The following NCAM2 variants were observed in gnomAD, a reference collection of about 807,000 sequenced individuals.
NCAM2 encodes the protein N-CAM-2.
In NCAM2, 30 loss-of-function variants were observed where a neutral mutation model predicts 98.1. That is an observed-to-expected ratio of 0.31 (90% confidence interval 0.23 to 0.41). The LOEUF (loss-of-function observed/expected upper bound fraction) is 0.41, where lower values mean the gene tolerates loss of function less well. Among genes scored for constraint, NCAM2 ranks in the 10% least tolerant of loss-of-function variants. NCAM2 has a pLI of 1.00. For synonymous variants in NCAM2, 368 were observed against 342.4 expected, an observed-to-expected ratio of 1.07 and a Z score of -0.83; for missense variants, 867 against 1,005.8, an observed-to-expected ratio of 0.86 and a Z score of 1.87.
At chr21:21,398,105 A>G (rs2076553082) in intron 9 of NCAM2, among the ~76,000 whole-genome samples, 2 of 152,232 alleles carry the variant, frequency 1.3e-5, no homozygotes, top group Admixed American at 1.3e-4. Context: ...AAATAATGGC[A>G]TTTGTAGCAG....
At chr21:21,355,912 A>G (rs1010682586) in intron 8 of NCAM2, among the ~76,000 whole-genome samples, 1 of 152,064 alleles carries the variant, frequency 6.6e-6, no homozygotes, top group East Asian at 1.9e-4. Flanking sequence ...CCCGGCCTTA[A>G]TTTTAATTCA....
intron 12 of NCAM2, among the ~76,000 whole-genome samples, chr21:21,464,000 C>G (rs79450849): frequency 0.031 from 4,762 of 151,912 alleles, 261 homozygotes; most frequent in African/African-American, 0.11. Context: ...ATGAAGAAAT[C>G]ATATCTAGAA....
intron 1 of NCAM2, among the ~76,000 whole-genome samples, chr21:21,048,759 G>A (rs1023893678): frequency 3.3e-5 from 5 of 152,062 alleles, no homozygotes; most frequent in African/African-American, 1.2e-4. Context: ...ACTTCCTGAG[G>A]GCTGTGTCAC....
intron 8 of NCAM2, among the ~76,000 whole-genome samples, chr21:21,360,782 C>T (rs2075625184): frequency 6.6e-6 from 1 of 151,800 alleles, no homozygotes; most frequent in Non-Finnish European, 1.5e-5. Context: ...CTGAATATAG[C>T]TGAAGAAAAT....
At chr21:21,429,485 A>T (rs1017758293) in intron 11 of NCAM2, among the ~76,000 whole-genome samples, 23 of 152,296 alleles carry the variant, frequency 1.5e-4, no homozygotes, top group Admixed American at 5.2e-4. Context: ...CTTAGACCTA[A>T]TGTACATTAG....
At chr21:21,055,222 A>G (rs1291445423) in intron 1 of NCAM2, among the ~76,000 whole-genome samples, 1 of 152,042 alleles carries the variant, frequency 6.6e-6, no homozygotes, top group African/African-American at 2.4e-5. Flanking sequence ...AATAAAACCA[A>G]GAAGCCACAT....
intron 5 of NCAM2, among the ~76,000 whole-genome samples, chr21:21,309,867 A>G (rs918511694): frequency 2.6e-5 from 4 of 152,080 alleles, no homozygotes; most frequent in African/African-American, 9.7e-5. Context: ...AGGAATTTCT[A>G]TTGAATGATT....
intron 5 of NCAM2, among the ~76,000 whole-genome samples, chr21:21,316,934 CAAA>C (rs902974075): frequency 3.9e-5 from 6 of 152,268 alleles, no homozygotes; most frequent in Middle Eastern, 3.4e-3. Context: ...GTGCCAAATT[CAAA>C]AATTTACACA....
At chr21:21,159,767 C>T (rs1174158936) in intron 1 of NCAM2, among the ~76,000 whole-genome samples, 2 of 151,814 alleles carry the variant, frequency 1.3e-5, no homozygotes, top group African/African-American at 4.8e-5. Flanking sequence ...CCCTCTCTCT[C>T]TGTATATATA....
intron 4 of NCAM2, 147 bp downstream of exon 4, chr21:21,286,559 A>G: frequency 1.1e-6 from 1 of 874,160 alleles, no homozygotes; most frequent in Non-Finnish European, 1.7e-6. Flanking sequence ...GCTCTACATT[A>G]GGATTTTGCA....
chr21:21,501,264 G>A (rs559795093), intron 15 of NCAM2, among the ~76,000 whole-genome samples: 4 of 152,010 alleles, frequency 2.6e-5, no homozygotes, highest in East Asian at 1.9e-4. Context: ...AATGTTAATT[G>A]GTTTTTAAAT....
intron 1 of NCAM2, among the ~76,000 whole-genome samples, chr21:21,201,457 G>A (rs2069217048): frequency 6.6e-6 from 1 of 152,142 alleles, no homozygotes; most frequent in Admixed American, 6.5e-5. Context: ...ATCTGAATAT[G>A]ACTTCATAAC....
intron 1 of NCAM2, among the ~76,000 whole-genome samples, chr21:21,000,731 G>A (rs1194495704): frequency 6.6e-6 from 1 of 152,062 alleles, no homozygotes; most frequent in African/African-American, 2.4e-5. Flanking sequence ...CGTAGCTTTT[G>A]TGAAAGGGAA....
At chr21:21,415,819 A>G (rs77032243) in intron 10 of NCAM2, among the ~76,000 whole-genome samples, 6,143 of 152,260 alleles carry the variant, frequency 0.04, 392 homozygotes, top group African/African-American at 0.14. Flanking sequence ...GAGGCATGTT[A>G]GATCTTTGCT....
chr21:21,115,000 T>A (rs1459452006), intron 1 of NCAM2, among the ~76,000 whole-genome samples: 2 of 152,160 alleles, frequency 1.3e-5, no homozygotes, highest in East Asian at 3.9e-4. Context: ...TTTGTATTTT[T>A]AGTAGAGACG....
At chr21:21,181,746 G>A (rs2068478974) in intron 1 of NCAM2, among the ~76,000 whole-genome samples, 1 of 151,968 alleles carries the variant, frequency 6.6e-6, no homozygotes, top group South Asian at 2.1e-4. Flanking sequence ...CGTTCCTTTA[G>A]TCCTTCAATG....
chr21:21,362,384 A>C (rs1434768264), intron 8 of NCAM2, among the ~76,000 whole-genome samples: 6 of 144,988 alleles, frequency 4.1e-5, no homozygotes, highest in African/African-American at 1.5e-4. Context: ...GCTTTTCCTC[A>C]TATTCTACTT....
chr21:21,223,404 T>G (rs1427556017), intron 1 of NCAM2: 1 of 152,196 alleles, frequency 6.6e-6, no homozygotes, highest in Admixed American at 6.6e-5. Context: ...TACTATCTAG[T>G]TATATTTTCT....
At chr21:21,411,747 C>T (rs1207817860) in intron 10 of NCAM2, among the ~76,000 whole-genome samples, 1 of 152,102 alleles carries the variant, frequency 6.6e-6, no homozygotes, top group Non-Finnish European at 1.5e-5. Flanking sequence ...AATATCCATA[C>T]TGCCTTAACT....
Sources: allele counts gnomAD v4.1 joint callset (sites outside exome capture counted in the v4.1 genomes callset), GRCh38; gene constraint gnomAD v4.1.1; transcripts MANE v1.5; gene names NCBI Gene and HGNC (gene_info 2026-07-23, HGNC 2026-07-21).